PDE4D: variants seen among roughly 807,000 people sequenced by gnomAD.
The protein encoded by PDE4D is phosphodiesterase 4D.
PDE4D carries 24 observed loss-of-function variants against 87.4 expected under a neutral mutation model. That is an observed-to-expected ratio of 0.27 (90% confidence interval 0.20 to 0.39). PDE4D has a LOEUF of 0.39. PDE4D is among the 10% of genes least tolerant of loss of function. PDE4D has a pLI of 1.00. For missense variants in PDE4D, 714 were observed against 1,041.0 expected (o/e 0.69, Z 4.32); for synonymous variants, 384 against 383.2 (o/e 1.00, Z -0.02).
chr5:59,320,245 A>G (rs1389891969), intron 1 of PDE4D, among the ~76,000 whole-genome samples: 1 of 152,122 alleles, frequency 6.6e-6, no homozygotes, highest in Non-Finnish European at 1.5e-5. Context: ...TAAGGTGAGA[A>G]AAACACTAGC....
intron 5 of PDE4D, among the ~76,000 whole-genome samples, chr5:59,129,582 A>T (rs1413994412): frequency 1.3e-5 from 2 of 152,206 alleles, no homozygotes; most frequent in Non-Finnish European, 2.9e-5. Context: ...AATTCAAGCC[A>T]TTAAGTTAAT....
At chr5:59,493,324 C>G (rs1357555601) in intron 1 of PDE4D, among the ~76,000 whole-genome samples, 3 of 152,130 alleles carry the variant, frequency 2.0e-5, no homozygotes, top group Non-Finnish European at 4.4e-5. Flanking sequence ...GAAACATGAT[C>G]AGATACAGCT....
intron 1 of PDE4D, among the ~76,000 whole-genome samples, chr5:59,853,594 T>C (rs1038857481): frequency 3.9e-5 from 6 of 152,086 alleles, no homozygotes; most frequent in African/African-American, 1.4e-4. Flanking sequence ...CCCTGTGCTA[T>C]TAAAATTATT....
chr5:59,729,063 C>T (rs1334419361), intron 1 of PDE4D, among the ~76,000 whole-genome samples: 2 of 152,094 alleles, frequency 1.3e-5, no homozygotes, highest in East Asian at 3.9e-4. Flanking sequence ...TGGTTTATAA[C>T]CTTACATTTA....
At chr5:59,731,338 G>C (rs1375276798) in intron 1 of PDE4D, among the ~76,000 whole-genome samples, 1 of 152,026 alleles carries the variant, frequency 6.6e-6, no homozygotes, top group Non-Finnish European at 1.5e-5. Context: ...CGTGGGAGCA[G>C]TATCGCCAAT....
At chr5:59,147,041 G>A (rs1218821386) in intron 5 of PDE4D, among the ~76,000 whole-genome samples, 1 of 152,088 alleles carries the variant, frequency 6.6e-6, no homozygotes, top group Non-Finnish European at 1.5e-5. Context: ...CTGTGCATGC[G>A]AGGCATCTAG....
chr5:60,295,582 C>G (rs925031746), intron 1 of PDE4D, among the ~76,000 whole-genome samples: 24 of 152,128 alleles, frequency 1.6e-4, no homozygotes, highest in African/African-American at 5.6e-4. Flanking sequence ...GCAACCCTGG[C>G]TTCTACCAAC....
intron 1 of PDE4D, among the ~76,000 whole-genome samples, chr5:59,633,654 G>T (rs1464028480): frequency 1.3e-5 from 2 of 152,134 alleles, no homozygotes; most frequent in African/African-American, 4.8e-5. Flanking sequence ...CATAATTGAA[G>T]AAGAAACAAA....
intron 1 of PDE4D, among the ~76,000 whole-genome samples, chr5:60,366,239 T>C (rs79092958): frequency 0.033 from 5,031 of 152,106 alleles, 123 homozygotes; most frequent in Middle Eastern, 0.079. Context: ...GCATGCTTTT[T>C]TTCCCCATTT....
At chr5:60,168,429 A>T (rs1221807368) in intron 2 of PDE4D, among the ~76,000 whole-genome samples, 1 of 152,060 alleles carries the variant, frequency 6.6e-6, no homozygotes, top group Admixed American at 6.5e-5. Flanking sequence ...TAACCATTCC[A>T]CTGTAGGCTC....
intron 5 of PDE4D, 160 bp from the exon 6 acceptor site, chr5:59,039,131 G>A: frequency 7.3e-7 from 1 of 1,369,282 alleles, no homozygotes; most frequent in South Asian, 1.7e-5. Flanking sequence ...GCAGTGCAAC[G>A]GGGGCGGAGG....
intron 1 of PDE4D, among the ~76,000 whole-genome samples, chr5:59,539,107 A>G (rs1488206561): frequency 6.6e-6 from 1 of 152,198 alleles, no homozygotes; most frequent in Non-Finnish European, 1.5e-5. Context: ...TTACTCATCT[A>G]GCTTTACCAC....
intron 2 of PDE4D, among the ~76,000 whole-genome samples, chr5:60,056,200 C>T (rs1770759221): frequency 6.6e-6 from 1 of 152,010 alleles, no homozygotes; most frequent in Non-Finnish European, 1.5e-5. Flanking sequence ...GATATTGGGT[C>T]TCCCTTGAAT....
chr5:59,341,665 A>G (rs1026804895), intron 1 of PDE4D, among the ~76,000 whole-genome samples: 1 of 152,180 alleles, frequency 6.6e-6, no homozygotes, highest in African/African-American at 2.4e-5. Context: ...ATATATCCAA[A>G]ATACATATAT....
At position 60,251,413 on chromosome 5, in the gene PDE4D, T is replaced by C. The variant is rs1460597675; in HGVS notation, c.-89-65726A>G. Among the ~76,000 whole-genome samples, 4 of 151,940 alleles carry C rather than the reference T, an allele frequency of 2.6e-5. No individual in the cohort carries two copies. In the East Asian group the frequency reaches 7.8e-4, roughly 29 times the overall value. ...TTTGTTGTTCTCCTCTATGAGTCCA[T>C]GTGTTCTCATCATTTAGCTCCCACT... On this transcript the variant is annotated intron_variant, in intron 1 of 16. Transcript: ENST00000502484.
At chr5:59,293,140 A>G (rs1366879039) in intron 1 of PDE4D, among the ~76,000 whole-genome samples, 1 of 152,200 alleles carries the variant, frequency 6.6e-6, no homozygotes, top group East Asian at 1.9e-4. Flanking sequence ...CTCTGGAATA[A>G]CTGAACACAT....
At chr5:60,133,424 G>A (rs1170928792) in intron 2 of PDE4D, among the ~76,000 whole-genome samples, 5 of 151,950 alleles carry the variant, frequency 3.3e-5, no homozygotes, top group Non-Finnish European at 7.4e-5. Context: ...TGCCTCCTGG[G>A]TTCAAGTGAT....
chr5:59,503,704 GA>G (rs1379529400), intron 1 of PDE4D, among the ~76,000 whole-genome samples: 3 of 152,142 alleles, frequency 2.0e-5, no homozygotes, highest in Non-Finnish European at 4.4e-5. Context: ...ACCTTTCAGT[GA>G]GCTGGGACAG....
chr5:59,243,562 T>C (rs1233527548), intron 1 of PDE4D, among the ~76,000 whole-genome samples: 1 of 141,872 alleles, frequency 7.0e-6, no homozygotes, highest in Non-Finnish European at 1.5e-5. Flanking sequence ...CAGGTTCAAG[T>C]GATTCTCCTG....
Sources: gnomAD v4.1 joint callset for allele counts (sites outside exome capture counted in the v4.1 genomes callset) on GRCh38, gnomAD v4.1.1 for gene constraint, MANE v1.5 for transcripts, NCBI Gene and HGNC (gene_info 2026-07-23, HGNC 2026-07-21) for gene names.